IQCM: variants seen among roughly 807,000 people sequenced by gnomAD.
The protein encoded by IQCM is IQ motif containing M.
A neutral mutation model predicts 57.6 loss-of-function variants in IQCM; 45 were observed. The ratio of observed to expected loss-of-function variants is 0.78; its 90% confidence interval spans 0.62 to 1.00. The LOEUF (loss-of-function observed/expected upper bound fraction) is 1.00. Ranked by LOEUF, IQCM falls within the 50% of genes least tolerant of loss-of-function variation. The probability of loss-of-function intolerance (pLI) is 0.00; values close to 1 mark genes in which losing one functional copy is unlikely to be tolerated. For missense variants in IQCM, 468 were observed against 511.6 expected (o/e 0.91, Z 0.82); for synonymous variants, 148 against 158.9 (o/e 0.93, Z 0.51).
intron 12 of IQCM, among the ~76,000 whole-genome samples, chr4:149,545,382 T>C (rs1486150989): frequency 6.6e-6 from 1 of 151,978 alleles, no homozygotes; most frequent in East Asian, 1.9e-4. Context: ...AATAACTCAA[T>C]TCAAAAATGG....
chr4:149,692,997 A>C (rs1763052742), intron 5 of IQCM, among the ~76,000 whole-genome samples: 1 of 152,190 alleles, frequency 6.6e-6, no homozygotes, highest in Non-Finnish European at 1.5e-5. Flanking sequence ...CTTAGGTATG[A>C]GCTGACAGGC....
rs186846635 is a variant in IQCM at position 149,648,492 on chromosome 4, G to A, written c.566-27248C>T. Among the ~76,000 whole-genome samples, 236 of 152,270 alleles carry A rather than the reference G, an allele frequency of 1.5e-3. 3 individuals are homozygous for A. The highest frequency in any genetic ancestry group is 4.2e-3 in the African/African-American group (176 of 41,542). On this transcript the variant is annotated intron_variant, in intron 7 of 13. Coordinates refer to ENST00000636793, the MANE Select transcript of IQCM (RefSeq NM_001363507.2). ...AGTCTTTGTTATTGTGAAAAGTGCC[G>A]TAATAAACATATATGTGCATGTGTC...
chr4:149,389,074 T>A (rs1731656081), intron 13 of IQCM, among the ~76,000 whole-genome samples: 1 of 151,876 alleles, frequency 6.6e-6, no homozygotes, highest in African/African-American at 2.4e-5. Context: ...TCTGATATCA[T>A]AAGGATTTAC....
chr4:149,605,358 T>C (rs1754683785), intron 8 of IQCM, among the ~76,000 whole-genome samples: 1 of 152,174 alleles, frequency 6.6e-6, no homozygotes, highest in Non-Finnish European at 1.5e-5. Flanking sequence ...TGAAAATCTT[T>C]TATGTGGGTG....
At chr4:149,738,288 A>G (rs17026397) in intron 3 of IQCM, among the ~76,000 whole-genome samples, 1,711 of 152,304 alleles carry the variant, frequency 0.011, 45 homozygotes, top group African/African-American at 0.039. Context: ...CTGGTGAGAT[A>G]CGCACGTTTC....
chr4:149,788,017 C>T (rs1305852992), intron 2 of IQCM, among the ~76,000 whole-genome samples: 4 of 152,074 alleles, frequency 2.6e-5, no homozygotes, highest in East Asian at 1.9e-4. Context: ...TGGCAAAGGA[C>T]GTGAATAGAC....
At chr4:149,353,945 A>T (rs1420588991) in intron 13 of IQCM, among the ~76,000 whole-genome samples, 2 of 152,176 alleles carry the variant, frequency 1.3e-5, no homozygotes, top group African/African-American at 4.8e-5. Context: ...GCAAAAACAA[A>T]ATAAACGGGA....
intron 7 of IQCM, among the ~76,000 whole-genome samples, chr4:149,643,065 T>C (rs1758338019): frequency 6.6e-6 from 1 of 152,098 alleles, no homozygotes; most frequent in Admixed American, 6.6e-5. Context: ...AAAACATTAT[T>C]TACCGCAGTT....
At position 149,409,273 on chromosome 4, in the gene IQCM, G is replaced by A. The variant is rs191925423; in HGVS notation, c.1390+24123C>T. Among the ~76,000 whole-genome samples, 9 of 152,326 alleles carry A rather than the reference G, an allele frequency of 5.9e-5. No homozygotes were observed. In the East Asian group the frequency reaches 1.5e-3, roughly 26 times the overall value. Reference sequence around the variant, plus strand: ...GGGTGCAAGGAAGCATGTGTGAATTGACAGACTGAAAGGCTTAGCAGGGGT... The same window carrying A: ...GGGTGCAAGGAAGCATGTGTGAATTAACAGACTGAAAGGCTTAGCAGGGGT... On this transcript the variant is annotated intron_variant, in intron 13 of 13. Coordinates refer to ENST00000636793, the MANE Select transcript of IQCM (RefSeq NM_001363507.2).
intron 10 of IQCM, among the ~76,000 whole-genome samples, chr4:149,561,601 T>A (rs957501386): frequency 6.6e-6 from 1 of 152,144 alleles, no homozygotes; most frequent in Admixed American, 6.6e-5. Context: ...ACAAGACAGA[T>A]ACCTGTCTTC....
chr4:149,808,810 G>A (rs1774307869), intron 2 of IQCM, among the ~76,000 whole-genome samples: 1 of 152,072 alleles, frequency 6.6e-6, no homozygotes, highest in African/African-American at 2.4e-5. Context: ...ATGAAATTTA[G>A]AAGGGTATGA....
chr4:149,567,274 T>G (rs530494353), intron 9 of IQCM, among the ~76,000 whole-genome samples: 1 of 152,290 alleles, frequency 6.6e-6, no homozygotes, highest in East Asian at 1.9e-4. Flanking sequence ...ACCTGTGACT[T>G]CTGTTCATGT....
At chr4:149,656,087 T>G (rs1431440469) in intron 7 of IQCM, among the ~76,000 whole-genome samples, 1 of 152,004 alleles carries the variant, frequency 6.6e-6, no homozygotes, top group East Asian at 1.9e-4. Context: ...AATTCCCTCA[T>G]CTGAAAAACA....
intron 13 of IQCM, among the ~76,000 whole-genome samples, chr4:149,389,122 C>G (rs1161683574): frequency 6.6e-6 from 1 of 151,628 alleles, no homozygotes; most frequent in South Asian, 2.1e-4. Context: ...AGTTTTCACC[C>G]TTATGGTTAT....
intron 13 of IQCM, among the ~76,000 whole-genome samples, chr4:149,404,653 A>G (rs1323494484): frequency 1.3e-5 from 2 of 152,078 alleles, no homozygotes; most frequent in Admixed American, 6.6e-5. Flanking sequence ...AAGGAACAAA[A>G]TTAAATCAGA....
At chr4:149,419,069 A>G (rs1393237511) in intron 13 of IQCM, among the ~76,000 whole-genome samples, 1 of 152,118 alleles carries the variant, frequency 6.6e-6, no homozygotes, top group Non-Finnish European at 1.5e-5. Context: ...TACTGCCCAA[A>G]GTAATTTAGA....
chr4:149,702,250 G>A (rs933645031), intron 5 of IQCM, among the ~76,000 whole-genome samples: 1 of 150,366 alleles, frequency 6.7e-6, no homozygotes, highest in Non-Finnish European at 1.5e-5. Flanking sequence ...TGACACACCT[G>A]ACGACTTCCT....
intron 7 of IQCM, among the ~76,000 whole-genome samples, chr4:149,661,740 T>C (rs1383719907): frequency 1.3e-5 from 2 of 152,134 alleles, no homozygotes; most frequent in African/African-American, 2.4e-5. Flanking sequence ...TGTTGAGGTA[T>C]AGTTGTTCAC....
intron 7 of IQCM, among the ~76,000 whole-genome samples, chr4:149,642,356 A>T (rs1397360759): frequency 6.6e-6 from 1 of 152,182 alleles, no homozygotes; most frequent in Non-Finnish European, 1.5e-5. Flanking sequence ...CAAACTGATA[A>T]AAATGAGAGG....
Sources: gnomAD v4.1 joint callset for allele counts (sites outside exome capture counted in the v4.1 genomes callset) on GRCh38, gnomAD v4.1.1 for gene constraint, MANE v1.5 for transcripts, NCBI Gene and HGNC (gene_info 2026-07-23, HGNC 2026-07-21) for gene names.